FLT1: variants seen among roughly 807,000 people sequenced by gnomAD.
FLT1 encodes fms related receptor tyrosine kinase 1.
A neutral mutation model predicts 156.3 loss-of-function variants in FLT1; 49 were observed. The observed-to-expected ratio is 0.31, with a 90% CI of 0.25 to 0.40. The LOEUF is 0.40. Among genes scored for constraint, FLT1 ranks in the 10% least tolerant of loss-of-function variants. The probability of loss-of-function intolerance (pLI) is 1.00; values close to 1 mark genes in which losing one functional copy is unlikely to be tolerated. For synonymous variants in FLT1, 594 were observed against 583.8 expected (o/e 1.02, Z -0.25); for missense variants, 1,322 against 1,637.2 (o/e 0.81, Z 3.32).
intron 16 of FLT1, among the ~76,000 whole-genome samples, chr13:28,340,153 T>G (rs1872274446): frequency 6.6e-6 from 1 of 151,638 alleles, no homozygotes; most frequent in Admixed American, 6.6e-5. Context: ...AGGTGGAGGT[T>G]GCAGTGAGCC....
At chr13:28,364,385 T>G (rs1873213879) in intron 14 of FLT1, among the ~76,000 whole-genome samples, 1 of 152,198 alleles carries the variant, frequency 6.6e-6, no homozygotes, top group African/African-American at 2.4e-5. Context: ...CCATGGTGAA[T>G]TTTTAATACA....
chr13:28,320,457 G>T (rs550454456), intron 23 of FLT1, among the ~76,000 whole-genome samples: 1 of 151,954 alleles, frequency 6.6e-6, no homozygotes, highest in African/African-American at 2.4e-5. Context: ...TTCCTGGCCC[G>T]CGGGCCACAT....
At chr13:28,351,675 A>G (rs961043086) in intron 15 of FLT1, among the ~76,000 whole-genome samples, 3 of 152,232 alleles carry the variant, frequency 2.0e-5, no homozygotes, top group African/African-American at 7.2e-5. Context: ...CATTTTCAAG[A>G]GTACTGTTAA....
At chr13:28,467,437 G>T in intron 2 of FLT1, 84 bp downstream of exon 2, 1 of 908,064 alleles carries the variant, frequency 1.1e-6, no homozygotes, top group Admixed American at 2.0e-5. Flanking sequence ...GATCACTGAG[G>T]TCCCTACCTT....
chr13:28,341,905 G>A (rs1219368728), intron 16 of FLT1, among the ~76,000 whole-genome samples: 1 of 151,956 alleles, frequency 6.6e-6, no homozygotes, highest in African/African-American at 2.4e-5. Flanking sequence ...TTTTTTAGAT[G>A]GAGTCTCACT....
chr13:28,350,237 C>G (rs896820128), intron 15 of FLT1, among the ~76,000 whole-genome samples: 3 of 152,218 alleles, frequency 2.0e-5, no homozygotes, highest in Non-Finnish European at 4.4e-5. Flanking sequence ...AGGCCAGCAT[C>G]AGGACACGGT....
At chr13:28,401,188 A>AATAC (rs1310006915) in intron 11 of FLT1, among the ~76,000 whole-genome samples, 4 of 152,028 alleles carry the variant, frequency 2.6e-5, no homozygotes, top group African/African-American at 9.7e-5. Context: ...ATCATGCCAA[A>AATAC]ATACATAAAT....
Position 28,397,062 on chromosome 13 carries a change from T to C in FLT1, c.1558A>G (p.Ser520Gly). 6.2e-7 allele frequency: 1 copy of C among 1,606,404 alleles called. No homozygotes were observed. Among genetic ancestry groups the C allele is most frequent in the South Asian group, 1.1e-5 (1 of 90,928 alleles). ...AIIEGKNKMA[S>G]TLVVADSRIS... ...CTAGAGTCAGCCACAACCAAGGTGC[T>C]AGCCATCTGCAAAAGAAAAGGAAAC... Residue 520 changes from serine to glycine, a missense_variant, in exon 12 of 30, where the codon AGC (serine) becomes GGC (glycine). Ser to Gly is a moderately conservative substitution (Grantham distance 56). This residue lies in a region of FLT1 where 991 missense variants were observed against 1,254.8 expected (regional missense o/e 0.79). Coordinates refer to ENST00000282397, the MANE Select transcript of FLT1 (RefSeq NM_002019.4).
chr13:28,379,318 C>T (rs980170171), intron 14 of FLT1, among the ~76,000 whole-genome samples: 3 of 151,954 alleles, frequency 2.0e-5, no homozygotes, highest in South Asian at 2.1e-4. Flanking sequence ...TGAGCGACAG[C>T]GCAAGACTCC....
chr13:28,423,823 G>A (rs9554329), intron 10 of FLT1, among the ~76,000 whole-genome samples: 1 of 152,224 alleles, frequency 6.6e-6, no homozygotes, highest in Non-Finnish European at 1.5e-5. Context: ...TATCTATTTA[G>A]AAGTCTACCT....
chr13:28,475,799 A>G (rs1333798704), intron 1 of FLT1, among the ~76,000 whole-genome samples: 1 of 152,168 alleles, frequency 6.6e-6, no homozygotes, highest in African/African-American at 2.4e-5. Context: ...GAATGCCTAG[A>G]TTAAAGTAAC....
At chr13:28,487,868 C>G (rs574153400) in intron 1 of FLT1, among the ~76,000 whole-genome samples, 2 of 152,108 alleles carry the variant, frequency 1.3e-5, no homozygotes, top group South Asian at 2.1e-4. Flanking sequence ...AGACCTTGAT[C>G]TCGCCACCCA....
chr13:28,386,205 A>C (rs933790055), intron 13 of FLT1: 14 of 1,053,508 alleles, frequency 1.3e-5, no homozygotes, highest in African/African-American at 1.7e-5. Context: ...CCTTAATTCC[A>C]TGTCCCTGCA....
At chr13:28,340,590 T>A (rs753748282) in intron 16 of FLT1, among the ~76,000 whole-genome samples, 1 of 152,142 alleles carries the variant, frequency 6.6e-6, no homozygotes, top group South Asian at 2.1e-4. Flanking sequence ...TTAAATGAGT[T>A]TTGGGGCCCT....
At chr13:28,347,987 C>G (rs1872620043) in intron 15 of FLT1, among the ~76,000 whole-genome samples, 1 of 152,218 alleles carries the variant, frequency 6.6e-6, no homozygotes, top group Non-Finnish European at 1.5e-5. Context: ...TCTGATCCTT[C>G]CAGCCTTTAC....
In FLT1 at chr13:28,412,350, CTCTTTCTTTCTT is replaced by C. The variant is rs531785690; in HGVS notation, c.1437-6468_1437-6457del. 4.8e-4 allele frequency among the ~76,000 whole-genome samples: 45 copies of C among 93,804 alleles called. 1 individual carries two copies. The highest frequency in any genetic ancestry group is 1.7e-3 in the African/African-American group (44 of 26,498). 61.5% of individuals were successfully genotyped at this position (93,804 alleles called of 152,430 possible). ...CTTTCTTTTCTTTCTTTCTTTCTTT[CTCTTTCTTTCTT>C]TCTTTCTTTCTTTCTTTCTTTCTTT... On this transcript the variant is annotated intron_variant, in intron 10 of 29. Transcript: ENST00000282397.
intron 28 of FLT1, 127 bp downstream of exon 28, chr13:28,308,715 AT>A (rs1870856357): frequency 5.5e-6 from 4 of 724,002 alleles, no homozygotes; most frequent in Non-Finnish European, 7.7e-6. Context: ...CCACACTGTC[AT>A]TTCAGCCACT....
chr13:28,366,680 A>T (rs1361418806), intron 14 of FLT1, among the ~76,000 whole-genome samples: 1 of 152,064 alleles, frequency 6.6e-6, no homozygotes, highest in Non-Finnish European at 1.5e-5. Flanking sequence ...CATGTTGGCC[A>T]TGCAGGTCTT....
Position 28,494,920 on chromosome 13 carries a change from C to G in FLT1, c.-77G>C. 8.2e-7 allele frequency: 1 copy of G among 1,218,890 alleles called. No individual in the cohort carries two copies. Among genetic ancestry groups the G allele is most frequent in the Non-Finnish European group, 1.1e-6 (1 of 901,754 alleles). The allele number at this position is 1,218,890 out of a possible 1,614,324, so 75.5% of individuals were successfully genotyped here. On this transcript the variant is annotated 5_prime_UTR_variant, in exon 1 of 30. Coordinates refer to ENST00000282397, the MANE Select transcript of FLT1 (RefSeq NM_002019.4). Reference sequence around the variant, plus strand: ...CGACCCGGCCGCCAGAGTCCGTCCTCTCGTTCGCCGCCGCCGGCCCCGCGC... The same window carrying G: ...CGACCCGGCCGCCAGAGTCCGTCCTGTCGTTCGCCGCCGCCGGCCCCGCGC...
Sources: gnomAD v4.1 joint callset for allele counts (sites outside exome capture counted in the v4.1 genomes callset) on GRCh38, gnomAD v4.1.1 for gene constraint, gnomAD v4.1.1 regional missense constraint, MANE v1.5 for transcripts, NCBI Gene and HGNC (gene_info 2026-07-23, HGNC 2026-07-21) for gene names.